The following RABGEF1 variants were observed in gnomAD, a reference collection of about 807,000 sequenced individuals.
RABGEF1 encodes RAB guanine nucleotide exchange factor 1, also known as rab5 GDP/GTP exchange factor.
RABGEF1 carries 26 observed loss-of-function variants against 57.3 expected under a neutral mutation model. The observed-to-expected ratio is 0.45, with a 90% CI of 0.33 to 0.63. The LOEUF (loss-of-function observed/expected upper bound fraction) is 0.63, where lower values mean the gene tolerates loss of function less well. Among genes scored for constraint, RABGEF1 ranks in the 20% least tolerant of loss-of-function variants. The pLI, the probability that RABGEF1 is intolerant of heterozygous loss-of-function variation, is 0.02. For missense variants in RABGEF1, 464 were observed against 607.6 expected (o/e 0.76, Z 2.48); for synonymous variants, 185 against 210.7 (o/e 0.88, Z 1.06).
chr7:66,738,007 GTTTTTTGTT>G (rs1354256419), upstream of RABGEF1, among the ~76,000 whole-genome samples: 206 of 119,484 alleles, frequency 1.7e-3, 1 homozygote, highest in African/African-American at 5.1e-3. Flanking sequence ...TCTTGGTTGT[GTTTTTTGTT>G]TTTTTTGTTT....
chr7:66,655,299 GGA>G, the RABGEF1 span, among the ~76,000 whole-genome samples: 1 of 152,180 alleles, frequency 6.6e-6, no homozygotes, highest in African/African-American at 2.4e-5. Flanking sequence ...GGCAGTTTAG[GGA>G]GAGAGAGGGA....
intron 2 of RABGEF1, among the ~76,000 whole-genome samples, chr7:66,734,678 C>T (rs952881842): frequency 1.3e-5 from 2 of 151,390 alleles, no homozygotes; most frequent in African/African-American, 4.9e-5. Flanking sequence ...AGTGATCCAT[C>T]CACCTTGGCC....
chr7:66,711,714 G>C (rs1794809054), intron 1 of RABGEF1, among the ~76,000 whole-genome samples: 1 of 151,952 alleles, frequency 6.6e-6, no homozygotes, highest in Non-Finnish European at 1.5e-5. Flanking sequence ...AGCCTCCCGA[G>C]TAGCTGGAAC....
At chr7:66,747,642 T>A (rs1313721942) in intron 1 of RABGEF1, among the ~76,000 whole-genome samples, 1 of 152,214 alleles carries the variant, frequency 6.6e-6, no homozygotes, top group Non-Finnish European at 1.5e-5. Context: ...TCCTCTGTTG[T>A]ACAGAGGAAA....
chr7:66,780,004 C>G (rs975634268), intron 3 of RABGEF1, among the ~76,000 whole-genome samples: 1 of 152,144 alleles, frequency 6.6e-6, no homozygotes, highest in Admixed American at 6.5e-5. Flanking sequence ...ATGATCATAA[C>G]TAGCTAGTAG....
intron 1 of RABGEF1, among the ~76,000 whole-genome samples, chr7:66,687,248 C>T (rs1485639140): frequency 6.6e-6 from 1 of 151,470 alleles, no homozygotes; most frequent in African/African-American, 2.4e-5. Flanking sequence ...GCCTCGGCCC[C>T]CCAGTAGGTG....
At chr7:66,800,171 G>A (rs1786962455) in intron 7 of RABGEF1, among the ~76,000 whole-genome samples, 1 of 152,238 alleles carries the variant, frequency 6.6e-6, no homozygotes, top group South Asian at 2.1e-4. Flanking sequence ...TATTAGTAGT[G>A]TTGGAGGCTG....
chr7:66,705,450 AGAG>A lies in RABGEF1; in HGVS notation c.-872-6716_-872-6714del, dbSNP rs1562716562. ...AAACTCCATCTCGAAAGAAAGAGAG[AGAG>A]AGAGAGAGAGAGAGAGAGAGAGAGA... On this transcript the variant is annotated intron_variant and NMD_transcript_variant, in intron 1 of 9. Transcript: ENST00000607882. 6.4e-4 allele frequency among the ~76,000 whole-genome samples: 77 copies of A among 119,384 alleles called. 2 individuals are homozygous for A. The highest frequency in any genetic ancestry group is 2.1e-3 in the East Asian group (8 of 3,798). The allele number at this position is 119,384 out of a possible 152,430, so 78.3% of individuals were successfully genotyped here.
intron 2 of RABGEF1, among the ~76,000 whole-genome samples, chr7:66,729,490 A>C (rs1584985750): frequency 6.7e-6 from 1 of 149,836 alleles, no homozygotes; most frequent in African/African-American, 2.5e-5. Context: ...CTCCATCCTC[A>C]CCTCCATCCT....
At chr7:66,681,071 C>T (rs960655580), upstream of RABGEF1, among the ~76,000 whole-genome samples, 2 of 151,994 alleles carry the variant, frequency 1.3e-5, no homozygotes, top group African/African-American at 4.8e-5. Flanking sequence ...TGACAGAGCG[C>T]GACTGTCTCA....
chr7:66,667,838 C>G, the RABGEF1 span, among the ~76,000 whole-genome samples: 2 of 152,194 alleles, frequency 1.3e-5, no homozygotes, highest in Non-Finnish European at 2.9e-5. Flanking sequence ...TGCTCTGTCG[C>G]CCAGGCTGGA....
intron 7 of RABGEF1, among the ~76,000 whole-genome samples, chr7:66,802,844 C>T (rs1465925285): frequency 6.6e-6 from 1 of 152,142 alleles, no homozygotes; most frequent in African/African-American, 2.4e-5. Flanking sequence ...ACATAATTCA[C>T]TTTTTACTCG....
intron 2 of RABGEF1, among the ~76,000 whole-genome samples, chr7:66,719,455 C>G (rs755609970): frequency 1.3e-5 from 2 of 152,112 alleles, no homozygotes; most frequent in African/African-American, 2.4e-5. Flanking sequence ...CTCGGCCCCC[C>G]GCAGTGTGCT....
intron 1 of RABGEF1, among the ~76,000 whole-genome samples, chr7:66,754,005 A>AAT (rs1802104879): frequency 1.8e-5 from 2 of 108,426 alleles, no homozygotes. Context: ...GTACTAGGCC[A>AAT]TTTTTTTTTT....
chr7:66,681,840 C>T (rs1473326885), upstream of RABGEF1, among the ~76,000 whole-genome samples: 4 of 152,204 alleles, frequency 2.6e-5, no homozygotes, highest in African/African-American at 7.2e-5. Flanking sequence ...CAGGAGTCGC[C>T]GCGGTGCCGG....
the RABGEF1 span, among the ~76,000 whole-genome samples, chr7:66,670,565 C>T: frequency 1.3e-5 from 2 of 148,490 alleles, no homozygotes; most frequent in African/African-American, 4.9e-5. Flanking sequence ...TTATTTTTAG[C>T]TGGGCGCGGT....
intron 1 of RABGEF1, among the ~76,000 whole-genome samples, chr7:66,689,727 G>A (rs1457615601): frequency 2.0e-5 from 3 of 151,952 alleles, no homozygotes; most frequent in African/African-American, 4.8e-5. Flanking sequence ...ACTTGAACCC[G>A]GGAGGCGGAG....
Position 66,754,857 on chromosome 7 carries a change from T to C in RABGEF1, c.-18+14065T>C, listed in dbSNP as rs1400944541. ...ATGGATGAAATGGCTACAGCAAAGC[T>C]AAAACTATGATATGCCTTTGAGAAA... is the stretch of plus-strand genomic sequence containing the variant. On this transcript the variant is annotated intron_variant, in intron 1 of 8. Coordinates refer to ENST00000284957, the MANE Select transcript of RABGEF1 (RefSeq NM_014504.3). 3.9e-5 allele frequency among the ~76,000 whole-genome samples: 6 copies of C among 152,254 alleles called. No individual in the cohort carries two copies. In the East Asian group the frequency reaches 1.2e-3, roughly 29 times the overall value.
rs35661980 is a variant in RABGEF1, at chr7:66,789,682, CAAAAAAAAA to C, written c.514-5811_514-5803del. Among the ~76,000 whole-genome samples, 183 of 57,496 alleles carry C rather than the reference CAAAAAAAAA, an allele frequency of 3.2e-3. 2 individuals are homozygous for C. The highest frequency in any genetic ancestry group is 0.021 in the Middle Eastern group (2 of 94). The allele number at this position is 57,496 out of a possible 152,430, so 37.7% of individuals were successfully genotyped here. Reference sequence around the variant, plus strand: ...TCAGCATCGGAGCGAGACTCTATCTCAAAAAAAAAAAAAAAAAAAAAAAAAAGATGTATT... The same window carrying C: ...TCAGCATCGGAGCGAGACTCTATCTCAAAAAAAAAAAAAAAAAGATGTATT... On this transcript the variant is annotated intron_variant, in intron 4 of 8. Transcript: ENST00000284957.
Sources: allele counts gnomAD v4.1 joint callset (sites outside exome capture counted in the v4.1 genomes callset), GRCh38; gene constraint gnomAD v4.1.1; transcripts MANE v1.5; gene names NCBI Gene and HGNC (gene_info 2026-07-23, HGNC 2026-07-21).